HUNK: variants seen among roughly 807,000 people sequenced by gnomAD.
HUNK encodes hormonally up-regulated neu tumor-associated kinase.
Under a neutral mutation model 61.0 loss-of-function variants are expected in HUNK, and 21 were observed. That is an observed-to-expected ratio of 0.34 (90% CI 0.24 to 0.50). The LOEUF is 0.50. HUNK is among the 20% of genes least tolerant of loss of function. The probability of loss-of-function intolerance (pLI) is 0.98; values close to 1 mark genes in which losing one functional copy is unlikely to be tolerated. For missense variants in HUNK, 772 were observed against 945.7 expected (o/e 0.82, Z 2.41); for synonymous variants, 371 against 386.1 (o/e 0.96, Z 0.46).
chr21:31,892,480 G>T (rs1161146666), intron 1 of HUNK, among the ~76,000 whole-genome samples: 1 of 148,048 alleles, frequency 6.8e-6, no homozygotes, highest in South Asian at 2.2e-4. Context: ...TGAGGCAGGA[G>T]AATCACTTGA....
At chr21:31,947,423 C>T (rs538773978) in intron 4 of HUNK, among the ~76,000 whole-genome samples, 2 of 152,340 alleles carry the variant, frequency 1.3e-5, no homozygotes, top group South Asian at 2.1e-4. Flanking sequence ...GCGTCACTGC[C>T]GAGATCATTT....
At chr21:31,958,818 T>C in intron 4 of HUNK, 25 bp from the exon 5 acceptor site, 1 of 1,556,700 alleles carries the variant, frequency 6.4e-7, no homozygotes. Context: ...TGACTCCGCT[T>C]TCATGTGTAT....
At position 31,873,668 on chromosome 21, in the gene HUNK, G is replaced by A; in HGVS notation, c.-7G>A. On this transcript the variant is annotated 5_prime_UTR_variant, in exon 1 of 11. Coordinates refer to ENST00000270112, the MANE Select transcript of HUNK (RefSeq NM_014586.2). This position sits in a 1 kb window ranked among gnomAD's most constrained non-coding sequence, Gnocchi z 6.1. ...GAGCAGGAGCCGCGCGGGCCGCGGC[G>A]AGCGCGATGCCGGCGGCGGCGGGGG... 1.0e-6 allele frequency: 1 copy of A among 982,126 alleles called. No individual in the cohort carries two copies. The highest frequency in any genetic ancestry group is 1.2e-6 in the Non-Finnish European group (1 of 827,224). 60.8% of individuals were successfully genotyped at this position (982,126 alleles called of 1,614,324 possible).
At chr21:31,949,079 T>C (rs1364898787) in intron 4 of HUNK, among the ~76,000 whole-genome samples, 1 of 151,750 alleles carries the variant, frequency 6.6e-6, no homozygotes, top group Non-Finnish European at 1.5e-5. Context: ...TAGAAGAGAG[T>C]GGTGAGCACT....
intron 4 of HUNK, among the ~76,000 whole-genome samples, chr21:31,948,438 C>T (rs1375276995): frequency 6.6e-6 from 1 of 152,194 alleles, no homozygotes; most frequent in Non-Finnish European, 1.5e-5. Flanking sequence ...CTTTGAGGCC[C>T]TCCCATGTAC....
In HUNK at chr21:31,946,992, G is replaced by A. The variant is rs567302880; in HGVS notation, c.746+821G>A. Among the ~76,000 whole-genome samples, 7 of 152,092 alleles carry A rather than the reference G, an allele frequency of 4.6e-5. No individual in the cohort carries two copies. In the South Asian group the frequency reaches 1.5e-3, roughly 32 times the overall value. On this transcript the variant is annotated intron_variant, in intron 4 of 10. Transcript: ENST00000270112. ...ATTCCCACATCCCATTCTCAAGCCA[G>A]TGGCACCTGCACATTCCCACATCCC...
chr21:31,884,891 T>C (rs1311092064), intron 1 of HUNK, among the ~76,000 whole-genome samples: 1 of 151,940 alleles, frequency 6.6e-6, no homozygotes, highest in East Asian at 2.0e-4. Flanking sequence ...GATTCTCCTG[T>C]CTCAGCCTCC....
At chr21:31,937,464 T>C (rs904696261) in intron 2 of HUNK, among the ~76,000 whole-genome samples, 17 of 152,194 alleles carry the variant, frequency 1.1e-4, no homozygotes, top group Non-Finnish European at 2.4e-4. Flanking sequence ...AGATTTTAAA[T>C]GGGTGTGTAT....
chr21:31,988,860 T>G lies in HUNK; in HGVS notation c.1258-1269T>G, dbSNP rs540919975. ...CCCTCCCCTCCTTCCTTTTTCTTTC[T>G]CGGTTTCCAGACCAAGCTGGAGTGC... is the stretch of plus-strand genomic sequence containing the variant. On this transcript the variant is annotated intron_variant, in intron 8 of 10. Transcript: ENST00000270112. Among the ~76,000 whole-genome samples the G allele has an allele frequency of 1.3e-4, 20 of 148,364 alleles. No individual in the cohort carries two copies. In the South Asian group the frequency reaches 4.4e-3, roughly 33 times the overall value.
At chr21:31,951,004 A>G (rs1481535039) in intron 4 of HUNK, among the ~76,000 whole-genome samples, 2 of 152,046 alleles carry the variant, frequency 1.3e-5, no homozygotes, top group Non-Finnish European at 2.9e-5. Flanking sequence ...TTCCCTACAA[A>G]TAGGGCCCCC....
At chr21:31,949,088 C>T (rs1159204285) in intron 4 of HUNK, among the ~76,000 whole-genome samples, 1 of 152,204 alleles carries the variant, frequency 6.6e-6, no homozygotes, top group African/African-American at 2.4e-5. Flanking sequence ...GTGGTGAGCA[C>T]TGCCTAGAGG....
At position 31,997,808 on chromosome 21, in the gene HUNK, G is replaced by A. The variant is rs2053216432; in HGVS notation, c.1487-718G>A. On this transcript the variant is annotated intron_variant, in intron 10 of 10. Transcript: ENST00000270112. ...GGCTGTCCAAGGACCAGATTGGCAG[G>A]AATTCAGTCAAGGGACCTTGGTGTG... 2.6e-5 allele frequency among the ~76,000 whole-genome samples: 4 copies of A among 152,206 alleles called. No homozygotes were observed. The South Asian group carries it at 8.3e-4, about 32-fold the overall frequency.
chr21:31,934,233 A>G (rs2052717309), intron 2 of HUNK, among the ~76,000 whole-genome samples: 1 of 152,006 alleles, frequency 6.6e-6, no homozygotes, highest in Admixed American at 6.6e-5. Flanking sequence ...AGGCGGGCGG[A>G]TCACGAGGTC....
chr21:31,899,847 G>T (rs1185942670), intron 1 of HUNK, among the ~76,000 whole-genome samples: 1 of 151,454 alleles, frequency 6.6e-6, no homozygotes, highest in Non-Finnish European at 1.5e-5. Flanking sequence ...GTGCGTTCTT[G>T]GCTCACTACA....
rs1307583987 is a variant in HUNK, at chr21:31,979,412, C to T, written c.1174-4114C>T. On this transcript the variant is annotated intron_variant, in intron 7 of 10. Coordinates refer to ENST00000270112, the MANE Select transcript of HUNK (RefSeq NM_014586.2). ...GATTACAGGTGTGAGCCACCGCGCC[C>T]GGCCCCTATTGGCCATTTCTATGTC... Among the ~76,000 whole-genome samples, 24 of 146,284 alleles carry T rather than the reference C, an allele frequency of 1.6e-4. 1 individual carries two copies. The East Asian group carries it at 2.4e-3, about 15-fold the overall frequency.
At chr21:31,955,361 C>T (rs1251802945) in intron 4 of HUNK, among the ~76,000 whole-genome samples, 5 of 148,426 alleles carry the variant, frequency 3.4e-5, no homozygotes, top group Admixed American at 1.3e-4. Context: ...GAGACCGAGA[C>T]GGGTGGATCA....
Position 31,948,906 on chromosome 21 carries a change from G to A in HUNK, c.746+2735G>A, listed in dbSNP as rs112016783. Among the ~76,000 whole-genome samples the A allele has an allele frequency of 9.6e-4, 146 of 152,288 alleles. 2 individuals are homozygous for A. In the East Asian group the frequency reaches 0.022, roughly 23 times the overall value. On this transcript the variant is annotated intron_variant, in intron 4 of 10. Transcript: ENST00000270112. Reference sequence around the variant, plus strand: ...TCCTGGAACTTTCCCAGAAGGGGCCGACTCTTCTGGAACCCTGGCTAAGAG... The same window carrying A: ...TCCTGGAACTTTCCCAGAAGGGGCCAACTCTTCTGGAACCCTGGCTAAGAG...
At position 31,998,987 on chromosome 21, in the gene HUNK, C is replaced by G; in HGVS notation, c.1948C>G (p.Pro650Ala). 6.2e-7 allele frequency: 1 copy of G among 1,614,196 alleles called. No individual in the cohort carries two copies. Among genetic ancestry groups the G allele is most frequent in the Non-Finnish European group, 8.5e-7 (1 of 1,180,020 alleles). Residue 650 changes from proline (P) to alanine (A), a missense_variant, in exon 11 of 11, where the codon CCT (proline) becomes GCT (alanine). Pro to Ala is a conservative substitution (Grantham distance 27). Around this residue, in one of 2 missense-constraint regions of HUNK, gnomAD observed 413 missense variants for 444.4 expected, o/e 0.93. Coordinates refer to ENST00000270112, the MANE Select transcript of HUNK (RefSeq NM_014586.2). The part of the protein sequence containing the change: ...PPVPSNGPMQ[P>A]LGSPNCVKSR... ...GGTTCCCAGCAATGGCCCCATGCAG[C>G]CTCTGGGGAGCCCCAATTGTGTGAA...
rs962744157 is a variant in HUNK at position 32,001,561 on chromosome 21, C to G, written c.*2377C>G. On this transcript the variant is annotated 3_prime_UTR_variant, in exon 11 of 11. Transcript: ENST00000270112. ...AGCTGCACATGTGCCGCTAACTGAC[C>G]GCGTTGCCATTGGCGACCTGGACTC... is the stretch of plus-strand genomic sequence containing the variant. 6.6e-6 allele frequency: 1 copy of G among 152,506 alleles called. No individual in the cohort carries two copies. The highest frequency in any genetic ancestry group is 1.5e-5 in the Non-Finnish European group (1 of 68,040). The allele number at this position is 152,506 out of a possible 1,614,324, so 9.4% of individuals were successfully genotyped here.
Sources: gnomAD v4.1 joint callset for allele counts (sites outside exome capture counted in the v4.1 genomes callset) on GRCh38, gnomAD v4.1.1 for gene constraint, gnomAD v4.1.1 regional missense constraint, Gnocchi (gnomAD v3.1) non-coding constraint, MANE v1.5 for transcripts, NCBI Gene and HGNC (gene_info 2026-07-23, HGNC 2026-07-21) for gene names.